SMARCA2: variants seen among roughly 807,000 people sequenced by gnomAD.
The protein encoded by SMARCA2 is SWI/SNF related BAF chromatin remodeling complex subunit ATPase 2, also known as SWI/SNF-related matrix-associated actin-dependent regulator of chromatin subfamily A member 2.
A neutral mutation model predicts 199.8 loss-of-function variants in SMARCA2; 61 were observed. The observed-to-expected ratio is 0.31, with a 90% CI of 0.25 to 0.38. The LOEUF (loss-of-function observed/expected upper bound fraction) is 0.38, where lower values mean the gene tolerates loss of function less well. SMARCA2 is among the 10% of genes least tolerant of loss of function. SMARCA2 has a pLI of 1.00. For synonymous variants in SMARCA2, 935 were observed against 732.0 expected (o/e 1.28, Z -4.48); for missense variants, 1,344 against 2,012.2 (o/e 0.67, Z 6.35).
At chr9:2,034,160 G>T (rs981868302) in intron 3 of SMARCA2, among the ~76,000 whole-genome samples, 2 of 149,152 alleles carry the variant, frequency 1.3e-5, no homozygotes, top group South Asian at 4.2e-4. Flanking sequence ...CATGAGAATC[G>T]CTTGAACCCG....
chr9:2,124,082 A>G (rs1012317596), intron 27 of SMARCA2, 145 bp downstream of exon 27: 12 of 708,222 alleles, frequency 1.7e-5, no homozygotes, highest in African/African-American at 7.1e-5. Context: ...AGATAAAGTC[A>G]TTCTGCTGTT....
chr9:2,020,106 A>G (rs1008681244), intron 1 of SMARCA2, among the ~76,000 whole-genome samples: 3 of 152,202 alleles, frequency 2.0e-5, no homozygotes, highest in Non-Finnish European at 4.4e-5. Context: ...TCTTTGGTTA[A>G]CTTGAGTTAC....
At chr9:2,081,768 G>T in intron 14 of SMARCA2, 64 bp from the exon 15 acceptor site, 2 of 1,484,358 alleles carry the variant, frequency 1.3e-6, no homozygotes, top group Non-Finnish European at 1.9e-6. Flanking sequence ...CCTCACTTGG[G>T]TTGTATTAGG....
rs190607966 is a variant in SMARCA2, at chr9:2,071,079, C to A, written c.1746+608C>A. On this transcript the variant is annotated intron_variant, in intron 10 of 33. Coordinates refer to ENST00000349721, the MANE Select transcript of SMARCA2 (RefSeq NM_003070.5). ...CTGCCAGCGATTCACAGTGAGGAGG[C>A]ACACTCCCAGAGCAGGATGGGAAGG... Among the ~76,000 whole-genome samples, 4 of 152,268 alleles carry A rather than the reference C, an allele frequency of 2.6e-5. No homozygotes were observed. The East Asian group carries it at 5.8e-4, about 22-fold the overall frequency.
chr9:2,099,001 A>G (rs1053748275), intron 21 of SMARCA2, among the ~76,000 whole-genome samples: 1 of 151,958 alleles, frequency 6.6e-6, no homozygotes, highest in Admixed American at 6.6e-5. Flanking sequence ...GGGGATTGCA[A>G]TGGCCAAAAA....
At chr9:2,191,170 T>A in intron 32 of SMARCA2, 96 bp from the exon 33 acceptor site, 2 of 1,195,986 alleles carry the variant, frequency 1.7e-6, no homozygotes, top group Non-Finnish European at 2.4e-6. Flanking sequence ...CTCTGGGATG[T>A]TTGTGTTGTC....
At chr9:2,146,260 A>G (rs144878688) in intron 27 of SMARCA2, among the ~76,000 whole-genome samples, 51 of 152,278 alleles carry the variant, frequency 3.3e-4, no homozygotes, top group Non-Finnish European at 6.6e-4. Context: ...ATTCCCAATC[A>G]TGACCTAATC....
chr9:2,103,932 A>T (rs1432007271), intron 22 of SMARCA2, 71 bp from the exon 23 acceptor site: 2 of 1,381,524 alleles, frequency 1.4e-6, no homozygotes, highest in Non-Finnish European at 1.0e-6. Context: ...ATGAAAAGCA[A>T]AGCAATGCTG....
chr9:2,168,807 C>T (rs1389881710), intron 28 of SMARCA2, among the ~76,000 whole-genome samples: 3 of 152,096 alleles, frequency 2.0e-5, no homozygotes, highest in East Asian at 1.9e-4. Context: ...GCATGGACTC[C>T]TTATCAGAAT....
intron 9 of SMARCA2, among the ~76,000 whole-genome samples, chr9:2,070,045 G>T (rs1412602969): frequency 6.6e-6 from 1 of 152,156 alleles, no homozygotes; most frequent in Non-Finnish European, 1.5e-5. Context: ...TTGCTTAGGG[G>T]ATAGGAAAGT....
chr9:2,149,380 C>T (rs1302928186), intron 27 of SMARCA2, among the ~76,000 whole-genome samples: 2 of 151,064 alleles, frequency 1.3e-5, no homozygotes, highest in East Asian at 3.9e-4. Flanking sequence ...ATTAGCCAGG[C>T]ATGATGGTGG....
At chr9:2,025,202 A>C (rs1470439061) in intron 1 of SMARCA2, among the ~76,000 whole-genome samples, 1 of 152,150 alleles carries the variant, frequency 6.6e-6, no homozygotes, top group East Asian at 1.9e-4. Context: ...GAAAGTGGGA[A>C]GTAAGGACGA....
In SMARCA2 at chr9:2,192,516, G is replaced by A. The variant is rs1045674187; in HGVS notation, c.4738-188G>A. ...GCTTTGCTTTGGGGTTTTTCAGTAA[G>A]AAAAACTTCTCAGCTTAGAGACTGT... is the stretch of plus-strand genomic sequence containing the variant. On this transcript the variant is annotated intron_variant, in intron 33 of 33. Transcript: ENST00000349721. 8 of 627,434 alleles carry A rather than the reference G, an allele frequency of 1.3e-5. No individual in the cohort carries two copies. In the African/African-American group the frequency reaches 1.5e-4, roughly 12 times the overall value. The allele number at this position is 627,434 out of a possible 1,614,324, so 38.9% of individuals were successfully genotyped here. A position where few individuals can be genotyped will look rare whatever the true frequency, so the allele number is the denominator to read the frequency against.
At chr9:2,136,026 GACATGGGGTTTC>G in intron 27 of SMARCA2, among the ~76,000 whole-genome samples, 1 of 151,294 alleles carries the variant, frequency 6.6e-6, no homozygotes, top group Non-Finnish European at 1.5e-5. Flanking sequence ...GTTTTTAGTA[GACATGGGGTTTC>G]ACCATATTGA....
chr9:2,175,813 C>G (rs946299408), intron 29 of SMARCA2, among the ~76,000 whole-genome samples: 2 of 151,642 alleles, frequency 1.3e-5, no homozygotes, highest in Non-Finnish European at 2.9e-5. Flanking sequence ...TTTTTTAAAT[C>G]CTTGTTGAGG....
intron 29 of SMARCA2, among the ~76,000 whole-genome samples, chr9:2,172,390 T>C (rs1826299012): frequency 1.4e-5 from 2 of 146,700 alleles, no homozygotes; most frequent in African/African-American, 5.1e-5. Context: ...TAACTGGCTG[T>C]GAGCAGAGTG....
intron 31 of SMARCA2, 31 bp downstream of exon 31, chr9:2,182,273 T>C (rs1827089551): frequency 7.6e-7 from 1 of 1,309,758 alleles, no homozygotes; most frequent in African/African-American, 1.5e-5. Context: ...TAAAAGTTCT[T>C]AACTGTAAAT....
chr9:2,180,351 C>G (rs1826937861), intron 29 of SMARCA2, among the ~76,000 whole-genome samples: 1 of 152,194 alleles, frequency 6.6e-6, no homozygotes, highest in African/African-American at 2.4e-5. Context: ...ATTTTTTCCA[C>G]TGGTTGCTAA....
chr9:2,177,981 G>T (rs1049034349), intron 29 of SMARCA2, among the ~76,000 whole-genome samples: 4 of 151,682 alleles, frequency 2.6e-5, no homozygotes, highest in African/African-American at 7.3e-5. Context: ...TCATAGTATA[G>T]ATGTGGAATT....
Sources: allele counts gnomAD v4.1 joint callset (sites outside exome capture counted in the v4.1 genomes callset), GRCh38; gene constraint gnomAD v4.1.1; transcripts MANE v1.5; gene names NCBI Gene and HGNC (gene_info 2026-07-23, HGNC 2026-07-21).